The following ITGB3 variants were observed in gnomAD, a reference collection of about 807,000 sequenced individuals.
The protein encoded by ITGB3 is integrin subunit beta 3, also known as integrin beta-3.
A neutral mutation model predicts 85.8 loss-of-function variants in ITGB3; 48 were observed. The observed-to-expected ratio is 0.56, with a 90% CI of 0.44 to 0.71. ITGB3 has a LOEUF of 0.71. Ranked by LOEUF, ITGB3 falls within the 30% of genes least tolerant of loss-of-function variation. ITGB3 has a pLI of 0.00. For synonymous variants in ITGB3, 363 were observed against 395.6 expected (o/e 0.92, Z 0.98); for missense variants, 861 against 1,019.1 (o/e 0.84, Z 2.11).
intron 2 of ITGB3, among the ~76,000 whole-genome samples, chr17:47,275,890 C>G (rs1001680794): frequency 1.3e-5 from 2 of 152,174 alleles, no homozygotes; most frequent in East Asian, 1.9e-4. Flanking sequence ...CCCCCACCCC[C>G]GCAGGTTCTC....
chr17:47,308,159 A>AT (rs2065196598), intron 14 of ITGB3, among the ~76,000 whole-genome samples: 2 of 144,550 alleles, frequency 1.4e-5, no homozygotes, highest in Admixed American at 1.4e-4. Context: ...CTCGGTCTCA[A>AT]AAATAATAAT....
chr17:47,273,263 G>T (rs531285962), intron 1 of ITGB3, among the ~76,000 whole-genome samples: 5 of 152,354 alleles, frequency 3.3e-5, no homozygotes, highest in African/African-American at 1.2e-4. Flanking sequence ...AAATAGGTTC[G>T]CTGGTCTTAC....
intron 10 of ITGB3, among the ~76,000 whole-genome samples, chr17:47,298,604 C>T (rs1206633147): frequency 1.3e-5 from 2 of 152,218 alleles, no homozygotes; most frequent in Non-Finnish European, 2.9e-5. Context: ...CATGTGCCCT[C>T]AGAGCCCTGC....
chr17:47,281,383 A>G (rs111520725), intron 2 of ITGB3, among the ~76,000 whole-genome samples: 1 of 152,302 alleles, frequency 6.6e-6, no homozygotes, highest in African/African-American at 2.4e-5. Flanking sequence ...GCACCCACAC[A>G]GTGTTGGCTA....
Position 47,299,209 on chromosome 17 carries a change from T to A in ITGB3, c.1691-99T>A. Reference sequence around the variant, plus strand: ...TCCCTGCCAACCTGGAGGATCATTATCTGTGTGGTTGGGAGAGCAGGATGG... The same window carrying A: ...TCCCTGCCAACCTGGAGGATCATTAACTGTGTGGTTGGGAGAGCAGGATGG... On this transcript the variant is annotated intron_variant, in intron 10 of 14. Transcript: ENST00000559488. This position sits in a 1 kb window ranked among gnomAD's most constrained non-coding sequence, Gnocchi z 5.1. The A allele has an allele frequency of 8.7e-7, 1 of 1,152,758 alleles. No individual in the cohort carries two copies. Among genetic ancestry groups the A allele is most frequent in the Non-Finnish European group, 1.3e-6 (1 of 780,140 alleles). The allele number at this position is 1,152,758 out of a possible 1,614,324, so 71.4% of individuals were successfully genotyped here.
chr17:47,304,123 C>G (rs559203443), intron 13 of ITGB3, among the ~76,000 whole-genome samples: 22 of 152,252 alleles, frequency 1.4e-4, no homozygotes, highest in Non-Finnish European at 2.6e-4. Context: ...AACTCTGGGA[C>G]TCAAGTGATC....
chr17:47,258,200 C>T (rs1431419692), intron 1 of ITGB3, among the ~76,000 whole-genome samples: 1 of 152,208 alleles, frequency 6.6e-6, no homozygotes, highest in African/African-American at 2.4e-5. Flanking sequence ...CACCCCATCG[C>T]CTCTGCTCCC....
At chr17:47,302,275 G>C (rs909637463) in intron 12 of ITGB3, among the ~76,000 whole-genome samples, 1 of 151,992 alleles carries the variant, frequency 6.6e-6, no homozygotes, top group Non-Finnish European at 1.5e-5. Context: ...GCAGAGAAAG[G>C]AAAGAGAGGG....
intron 1 of ITGB3, among the ~76,000 whole-genome samples, chr17:47,273,968 A>G (rs924626212): frequency 2.6e-5 from 4 of 152,198 alleles, no homozygotes; most frequent in African/African-American, 9.7e-5. Context: ...TATTTAGGCT[A>G]TGTGTTAATG....
Position 47,298,787 on chromosome 17 carries a change from G to A in ITGB3, c.1691-521G>A, listed in dbSNP as rs549234097. 9.2e-5 allele frequency among the ~76,000 whole-genome samples: 14 copies of A among 152,286 alleles called. No individual in the cohort carries two copies. The East Asian group carries it at 1.7e-3, about 19-fold the overall frequency. ...GCCTCTCAGGTCAGGTAGGAGAGGC[G>A]AGCAGCGCTGTGTCAGGTCAAAGGG... is the stretch of plus-strand genomic sequence containing the variant. On this transcript the variant is annotated intron_variant, in intron 10 of 14. Transcript: ENST00000559488.
chr17:47,256,927 C>T (rs577210766), intron 1 of ITGB3, among the ~76,000 whole-genome samples: 14 of 152,226 alleles, frequency 9.2e-5, no homozygotes, highest in African/African-American at 3.4e-4. Flanking sequence ...TTGTTGGCTT[C>T]GGAAAGGGAG....
At chr17:47,263,753 G>A (rs1244651868) in intron 1 of ITGB3, among the ~76,000 whole-genome samples, 1 of 152,142 alleles carries the variant, frequency 6.6e-6, no homozygotes, top group Non-Finnish European at 1.5e-5. Flanking sequence ...GCCTCCCACA[G>A]TGCTCAGATT....
Position 47,299,477 on chromosome 17 carries a change from TG to T in ITGB3, c.1864del (p.Asp622ThrfsTer47). On this transcript the variant is annotated frameshift_variant, in exon 11 of 15. Coordinates refer to ENST00000559488, the MANE Select transcript of ITGB3 (RefSeq NM_000212.3). LOFTEE classifies it high-confidence loss of function. The surrounding 1 kb of genome is among the most constrained non-coding windows in gnomAD (Gnocchi z 5.1). ...GTGTCTGTATCCAGCCGGGCTCCTA[TG>T]GGGACACCTGTGAGAAGTGCCCCAC... is the stretch of plus-strand genomic sequence containing the variant. The part of the protein sequence containing the change: ...SCVCIQPGSY[G>X]DTCEKCPTCP... 6.2e-7 allele frequency: 1 copy of T among 1,614,236 alleles called. No homozygotes were observed. Among genetic ancestry groups the T allele is most frequent in the Non-Finnish European group, 8.5e-7 (1 of 1,180,032 alleles).
At chr17:47,276,345 CA>C (rs2065063973) in intron 2 of ITGB3, among the ~76,000 whole-genome samples, 1 of 152,138 alleles carries the variant, frequency 6.6e-6, no homozygotes, top group Non-Finnish European at 1.5e-5. Context: ...GCCCTTAGGT[CA>C]CATAACCAGA....
rs2143167849 is a variant in ITGB3 at position 47,313,481 on chromosome 17, G to A, written c.*3277G>A. 1.3e-5 allele frequency among the ~76,000 whole-genome samples: 2 copies of A among 151,496 alleles called. No individual in the cohort carries two copies. The highest frequency in any genetic ancestry group is 2.0e-4 in the East Asian group (1 of 5,096). ...CCTGCCTCAGCCTCCCGAGTAGCTG[G>A]GATTACAGGCACCTGCCACCACGCC... On this transcript the variant is annotated 3_prime_UTR_variant, in exon 15 of 15. Coordinates refer to ENST00000559488, the MANE Select transcript of ITGB3 (RefSeq NM_000212.3).
At chr17:47,292,666 C>A in intron 10 of ITGB3, 98 bp downstream of exon 10, 1 of 1,247,448 alleles carries the variant, frequency 8.0e-7, no homozygotes, top group Non-Finnish European at 1.2e-6. Context: ...TGGGTCTTTG[C>A]AGGCAGAGGT....
chr17:47,260,165 A>T (rs775434106), intron 1 of ITGB3, among the ~76,000 whole-genome samples: 3 of 152,186 alleles, frequency 2.0e-5, no homozygotes, highest in African/African-American at 7.2e-5. Context: ...AGAACAACGT[A>T]TCTGGAATTA....
chr17:47,272,422 G>T (rs1159560229), intron 1 of ITGB3, among the ~76,000 whole-genome samples: 1 of 151,804 alleles, frequency 6.6e-6, no homozygotes, highest in African/African-American at 2.4e-5. Context: ...TTGAGACAGA[G>T]TCTCGCACTA....
chr17:47,267,415 G>A (rs944641387), intron 1 of ITGB3, among the ~76,000 whole-genome samples: 3 of 152,210 alleles, frequency 2.0e-5, no homozygotes, highest in East Asian at 1.9e-4. Flanking sequence ...CCTTCCACAC[G>A]TTCAGGAGGG....
Sources: allele counts gnomAD v4.1 joint callset (sites outside exome capture counted in the v4.1 genomes callset), GRCh38; gene constraint gnomAD v4.1.1; non-coding constraint Gnocchi (gnomAD v3.1); transcripts MANE v1.5; gene names NCBI Gene and HGNC (gene_info 2026-07-23, HGNC 2026-07-21).